The following PRXL2A variants were observed in gnomAD, a reference collection of about 807,000 sequenced individuals.
PRXL2A encodes the protein peroxiredoxin-like 2A.
PRXL2A carries 26 observed loss-of-function variants against 25.6 expected under a neutral mutation model. The ratio of observed to expected loss-of-function variants is 1.02; its 90% CI spans 0.74 to 1.41. PRXL2A has a LOEUF of 1.41. Among genes scored for constraint, PRXL2A ranks in the 40% most tolerant of loss-of-function variants. The pLI is 0.00. For missense variants in PRXL2A, 246 were observed against 273.9 expected, an observed-to-expected ratio of 0.90 and a Z score of 0.72; for synonymous variants, 98 against 102.9, an observed-to-expected ratio of 0.95 and a Z score of 0.29.
intron 3 of PRXL2A, among the ~76,000 whole-genome samples, chr10:80,425,334 AG>A (rs1845006340): frequency 6.6e-6 from 1 of 152,168 alleles, no homozygotes; most frequent in African/African-American, 2.4e-5. Context: ...GCCATGTTCT[AG>A]GCACTGAGGG....
intron 4 of PRXL2A, 40 bp from the exon 5 acceptor site, chr10:80,427,292 G>A (rs1393566718): frequency 1.9e-6 from 3 of 1,589,988 alleles, no homozygotes; most frequent in Non-Finnish European, 2.6e-6. Flanking sequence ...AGGCAGGCAT[G>A]TAGAGTACTC....
At position 80,435,382 on chromosome 10, in the gene PRXL2A, C is replaced by G. The variant is rs1389091599; in HGVS notation, c.*3283C>G. On this transcript the variant is annotated 3_prime_UTR_variant, in exon 6 of 6. Transcript: ENST00000606162. Reference sequence around the variant, plus strand: ...ACTATGCTAGTGTTTGTTCAAGTCTCTCCGTGTCCGGGGTGAGCAAAATTG... The same window carrying G: ...ACTATGCTAGTGTTTGTTCAAGTCTGTCCGTGTCCGGGGTGAGCAAAATTG... 6.6e-6 allele frequency: 1 copy of G among 152,148 alleles called. No individual in the cohort carries two copies. The highest frequency in any genetic ancestry group is 2.4e-5 in the African/African-American group (1 of 41,422). The allele number at this position is 152,148 out of a possible 1,614,324, so 9.4% of individuals were successfully genotyped here.
At chr10:80,429,455 C>G (rs1010125125) in intron 5 of PRXL2A, among the ~76,000 whole-genome samples, 8 of 152,270 alleles carry the variant, frequency 5.3e-5, no homozygotes, top group Middle Eastern at 3.4e-3. Context: ...CAGCCAAAGA[C>G]ACAGCTAAGT....
rs934383619 is a variant in PRXL2A, at chr10:80,420,627, C to T, written c.160C>T (p.Leu54=). The T allele has an allele frequency of 6.2e-7, 1 of 1,609,112 alleles. No individual in the cohort carries two copies. Among genetic ancestry groups the T allele is most frequent in the African/African-American group, 1.3e-5 (1 of 74,882 alleles). ...CCTGGAGTACCTGGAGGATATAGAC[C>T]TGAAAACACTGGAGAAGGGTAAGTG... ...AALEYLEDID[L]KTLEKEPRTF... Residue 54 remains leucine (L), a synonymous_variant, in exon 2 of 6, where the codon CTG becomes TTG. Coordinates refer to ENST00000606162, the MANE Select transcript of PRXL2A (RefSeq NM_032333.5).
intron 2 of PRXL2A, among the ~76,000 whole-genome samples, chr10:80,421,563 G>C (rs1457501628): frequency 6.6e-6 from 1 of 152,112 alleles, no homozygotes; most frequent in Non-Finnish European, 1.5e-5. Context: ...AGGAGAGAGA[G>C]AGACCTGTTA....
chr10:80,432,438 C>T lies in PRXL2A; in HGVS notation c.*339C>T, dbSNP rs1006619667. The T allele has an allele frequency of 2.7e-5, 5 of 187,118 alleles. No homozygotes were observed. Among genetic ancestry groups the T allele is most frequent in the Non-Finnish European group, 4.3e-5 (4 of 92,240 alleles). 11.6% of individuals were successfully genotyped at this position (187,118 alleles called of 1,614,324 possible). A position where few individuals can be genotyped will look rare whatever the true frequency, so the allele number is the denominator to read the frequency against. On this transcript the variant is annotated 3_prime_UTR_variant, in exon 6 of 6. Transcript: ENST00000606162. ...AGCAAGTCACTTGAGGTCGGGAGTT[C>T]GAGACCAGCCTGAGCAACATGGCGA...
intron 4 of PRXL2A, 62 bp downstream of exon 4, chr10:80,426,068 G>A: frequency 6.2e-7 from 1 of 1,601,394 alleles, no homozygotes; most frequent in Non-Finnish European, 8.5e-7. Context: ...CTGTGTGATA[G>A]TCAGGTGGCC....
At chr10:80,409,286 A>G (rs1020826585) in intron 1 of PRXL2A, among the ~76,000 whole-genome samples, 3 of 152,154 alleles carry the variant, frequency 2.0e-5, no homozygotes, top group African/African-American at 7.2e-5. Flanking sequence ...ATCTGCCCCC[A>G]GGGTTGTTGC....
intron 1 of PRXL2A, chr10:80,408,970 G>T: frequency 1.1e-6 from 1 of 937,264 alleles, no homozygotes. Context: ...GAGTGACGCC[G>T]GTGGCGCCAA....
intron 1 of PRXL2A, among the ~76,000 whole-genome samples, chr10:80,415,156 C>T (rs1031231332): frequency 4.0e-4 from 61 of 152,154 alleles, no homozygotes; most frequent in Non-Finnish European, 1.2e-4. Flanking sequence ...CCACTGGGTG[C>T]GGTCTGTCCA....
At chr10:80,420,257 G>A (rs947173505) in intron 1 of PRXL2A, 3 of 1,306,266 alleles carry the variant, frequency 2.3e-6, no homozygotes, top group African/African-American at 1.5e-5. Context: ...GCTCCACGGT[G>A]CAGGAACCTC....
chr10:80,413,653 A>G (rs1472047555), intron 1 of PRXL2A, among the ~76,000 whole-genome samples: 2 of 149,966 alleles, frequency 1.3e-5, no homozygotes, highest in East Asian at 3.9e-4. Flanking sequence ...TTGAAGGGCT[A>G]GGGGGCCTTG....
Position 80,425,985 on chromosome 10 carries a change from A to G in PRXL2A, c.390A>G (p.Gly130=), listed in dbSNP as rs778742142. The part of the protein sequence containing the change: ...EVKDFQPYFK[G]EIFLDEKKKF... ...AGGATTTCCAGCCTTATTTCAAAGG[A>G]GAAATCTTCCTGGATGAAAAGGTGT... Residue 130 remains glycine, a synonymous_variant, in exon 4 of 6, where the codon GGA becomes GGG. Coordinates refer to ENST00000606162, the MANE Select transcript of PRXL2A (RefSeq NM_032333.5). 6.2e-7 allele frequency: 1 copy of G among 1,614,228 alleles called. No individual in the cohort carries two copies.
At chr10:80,412,290 T>A (rs1336670662) in intron 1 of PRXL2A, among the ~76,000 whole-genome samples, 1 of 152,188 alleles carries the variant, frequency 6.6e-6, no homozygotes, top group East Asian at 1.9e-4. Flanking sequence ...AGCCTAAGGT[T>A]ACCTAAGTCC....
chr10:80,425,596 G>A (rs541491483), intron 3 of PRXL2A, among the ~76,000 whole-genome samples: 168 of 152,342 alleles, frequency 1.1e-3, no homozygotes, highest in African/African-American at 3.9e-3. Context: ...CTAGAGGAGC[G>A]TGTGTCTGCT....
chr10:80,419,470 G>T (rs1298148707), intron 1 of PRXL2A, among the ~76,000 whole-genome samples: 1 of 146,554 alleles, frequency 6.8e-6, no homozygotes, highest in African/African-American at 2.5e-5. Flanking sequence ...CACCACGCCC[G>T]GCTAATTTTG....
In PRXL2A at chr10:80,415,642, G is replaced by A. The variant is rs544977081; in HGVS notation, c.-2-4824G>A. 2.6e-5 allele frequency among the ~76,000 whole-genome samples: 4 copies of A among 152,254 alleles called. No homozygotes were observed. In the South Asian group the frequency reaches 8.3e-4, roughly 32 times the overall value. ...CACTTGATATTTTTTTGTTATTTGTGTACCAGGTCCATATTTTCTTGAGGA... is the reference window on the plus strand; with the variant it reads ...CACTTGATATTTTTTTGTTATTTGTATACCAGGTCCATATTTTCTTGAGGA... On this transcript the variant is annotated intron_variant, in intron 1 of 5. Transcript: ENST00000606162.
intron 4 of PRXL2A, among the ~76,000 whole-genome samples, 197 bp from the exon 5 acceptor site, chr10:80,427,135 T>A (rs1252278444): frequency 8.6e-6 from 1 of 116,362 alleles, no homozygotes; most frequent in African/African-American, 4.0e-5. Context: ...AGAGCAAGAC[T>A]CCATCTCAAA....
At chr10:80,414,551 C>T (rs1844587106) in intron 1 of PRXL2A, among the ~76,000 whole-genome samples, 1 of 152,248 alleles carries the variant, frequency 6.6e-6, no homozygotes, top group Middle Eastern at 3.4e-3. Flanking sequence ...TCTCCAGGAC[C>T]GACTTCTTTC....
Sources: allele counts gnomAD v4.1 joint callset (sites outside exome capture counted in the v4.1 genomes callset), GRCh38; gene constraint gnomAD v4.1.1; transcripts MANE v1.5; gene names NCBI Gene and HGNC (gene_info 2026-07-23, HGNC 2026-07-21).